ADAMTS17: variants seen among roughly 807,000 people sequenced by gnomAD.
The protein encoded by ADAMTS17 is ADAM metallopeptidase with thrombospondin type 1 motif 17.
ADAMTS17 carries 113 observed loss-of-function variants against 141.5 expected under a neutral mutation model. The observed-to-expected ratio is 0.80, with a 90% confidence interval of 0.69 to 0.93. The LOEUF is 0.93. Among genes scored for constraint, ADAMTS17 ranks in the 40% least tolerant of loss-of-function variants. The pLI, the probability that ADAMTS17 is intolerant of heterozygous loss-of-function variation, is 0.00. For missense variants in ADAMTS17, 1,659 were observed against 1,517.9 expected (o/e 1.09, Z -1.54); for synonymous variants, 768 against 630.6 (o/e 1.22, Z -3.27).
chr15:100,233,818 G>A (rs1456810812), intron 7 of ADAMTS17, among the ~76,000 whole-genome samples: 1 of 151,970 alleles, frequency 6.6e-6, no homozygotes, highest in Non-Finnish European at 1.5e-5. Context: ...TGGAGATGGA[G>A]GCGAGCCTGG....
chr15:100,210,176 A>T (rs1038611505), intron 7 of ADAMTS17, among the ~76,000 whole-genome samples: 2 of 134,518 alleles, frequency 1.5e-5, no homozygotes, highest in Non-Finnish European at 3.1e-5. Flanking sequence ...GCTTGCAGTG[A>T]GCCGAGATCG....
chr15:100,081,691 T>C (rs2141820284), intron 15 of ADAMTS17, among the ~76,000 whole-genome samples: 1 of 152,340 alleles, frequency 6.6e-6, no homozygotes, highest in South Asian at 2.1e-4. Context: ...CAACCAACAC[T>C]ATACGAGAGT....
At chr15:100,002,749 A>G (rs1362224775) in intron 18 of ADAMTS17, among the ~76,000 whole-genome samples, 1 of 152,128 alleles carries the variant, frequency 6.6e-6, no homozygotes, top group Non-Finnish European at 1.5e-5. Flanking sequence ...AGATTCCTGC[A>G]GAGCAGTGAG....
chr15:100,089,946 C>T (rs2035349340), intron 15 of ADAMTS17, among the ~76,000 whole-genome samples: 1 of 150,520 alleles, frequency 6.6e-6, no homozygotes, highest in Admixed American at 6.6e-5. Context: ...ACAAACCTGC[C>T]TGTTGTGCAC....
At chr15:100,238,668 T>G (rs1369205662) in intron 7 of ADAMTS17, among the ~76,000 whole-genome samples, 3 of 152,332 alleles carry the variant, frequency 2.0e-5, no homozygotes, top group Middle Eastern at 3.4e-3. Flanking sequence ...TGCTGTGAGA[T>G]AGTTTGATCC....
chr15:100,010,151 T>C (rs537210688), intron 18 of ADAMTS17, among the ~76,000 whole-genome samples: 75 of 152,348 alleles, frequency 4.9e-4, no homozygotes, highest in African/African-American at 1.8e-3. Flanking sequence ...GCTTCTGCCA[T>C]AACTGTGAGG....
At chr15:100,057,714 G>T (rs779475439) in intron 15 of ADAMTS17, among the ~76,000 whole-genome samples, 2 of 152,158 alleles carry the variant, frequency 1.3e-5, no homozygotes, top group African/African-American at 4.8e-5. Context: ...CAAACAGGGG[G>T]ACTTTTGTTC....
chr15:100,300,158 T>C (rs951915334), intron 3 of ADAMTS17, among the ~76,000 whole-genome samples: 2 of 152,122 alleles, frequency 1.3e-5, no homozygotes, highest in African/African-American at 4.8e-5. Context: ...TGCCCAGGGC[T>C]GTTTACAGTC....
intron 3 of ADAMTS17, among the ~76,000 whole-genome samples, chr15:100,319,006 GC>G (rs918041916): frequency 6.6e-6 from 1 of 152,260 alleles, no homozygotes; most frequent in African/African-American, 2.4e-5. Context: ...ATCATCCTGT[GC>G]TTCCGATGGC....
At chr15:100,025,420 T>A (rs1474342630) in intron 18 of ADAMTS17, among the ~76,000 whole-genome samples, 1 of 151,044 alleles carries the variant, frequency 6.6e-6, no homozygotes, top group Non-Finnish European at 1.5e-5. Flanking sequence ...TTTTCTTTTT[T>A]TTTTTTTTTG....
chr15:100,144,376 C>G (rs1190284930), intron 10 of ADAMTS17, among the ~76,000 whole-genome samples: 1 of 152,070 alleles, frequency 6.6e-6, no homozygotes, highest in Non-Finnish European at 1.5e-5. Flanking sequence ...ATGGCAAAAC[C>G]CTGTCTCTAC....
chr15:99,988,233 C>T (rs1271319069), intron 20 of ADAMTS17, among the ~76,000 whole-genome samples: 6 of 152,090 alleles, frequency 3.9e-5, no homozygotes, highest in South Asian at 4.1e-4. Flanking sequence ...GTCTGGGTCA[C>T]GGGCACGAGT....
intron 18 of ADAMTS17, among the ~76,000 whole-genome samples, chr15:100,002,958 C>T (rs1214215865): frequency 6.6e-6 from 1 of 152,068 alleles, no homozygotes; most frequent in African/African-American, 2.4e-5. Context: ...CCCACGGGTG[C>T]CGCCCTGCTC....
intron 4 of ADAMTS17, among the ~76,000 whole-genome samples, chr15:100,265,575 G>A (rs34765866): frequency 0.025 from 3,818 of 152,320 alleles, 63 homozygotes; most frequent in Middle Eastern, 0.061. Context: ...TAGGGACACA[G>A]CAAGGGAGGG....
At chr15:100,028,862 G>A (rs2029874249) in intron 18 of ADAMTS17, among the ~76,000 whole-genome samples, 1 of 152,214 alleles carries the variant, frequency 6.6e-6, no homozygotes, top group Non-Finnish European at 1.5e-5. Flanking sequence ...AAGCAGCAGT[G>A]AACCTGCACT....
At chr15:100,112,342 G>A (rs1176125407) in intron 13 of ADAMTS17, among the ~76,000 whole-genome samples, 1 of 152,128 alleles carries the variant, frequency 6.6e-6, no homozygotes, top group Non-Finnish European at 1.5e-5. Context: ...GTCTAGAGGT[G>A]GGGCTTCCCT....
At chr15:99,977,408 T>A (rs1225931665) in intron 20 of ADAMTS17, among the ~76,000 whole-genome samples, 5 of 73,022 alleles carry the variant, frequency 6.8e-5, no homozygotes, top group African/African-American at 3.5e-4. Context: ...ATAATTTTTT[T>A]TTTTTTTTTT....
intron 6 of ADAMTS17, among the ~76,000 whole-genome samples, chr15:100,259,952 C>G (rs925394412): frequency 6.6e-6 from 1 of 152,216 alleles, no homozygotes; most frequent in Non-Finnish European, 1.5e-5. Flanking sequence ...TCAAGCAATT[C>G]TCCTGCCTCA....
At chr15:100,123,552 C>G (rs1388787224) in intron 12 of ADAMTS17, among the ~76,000 whole-genome samples, 3 of 152,162 alleles carry the variant, frequency 2.0e-5, no homozygotes, top group Non-Finnish European at 2.9e-5. Context: ...TCCCTGAGGA[C>G]CGGGAAGAAA....
Sources: allele counts gnomAD v4.1 joint callset (sites outside exome capture counted in the v4.1 genomes callset), GRCh38; gene constraint gnomAD v4.1.1; transcripts MANE v1.5; gene names NCBI Gene and HGNC (gene_info 2026-07-23, HGNC 2026-07-21).